AMOTL1: variants seen among roughly 807,000 people sequenced by gnomAD.
AMOTL1 encodes angiomotin like 1, also known as angiomotin-like protein 1.
A neutral mutation model predicts 102.9 loss-of-function variants in AMOTL1; 45 were observed. That is an observed-to-expected ratio of 0.44 (90% CI 0.34 to 0.56). The LOEUF (loss-of-function observed/expected upper bound fraction) is 0.56. Among genes scored for constraint, AMOTL1 ranks in the 20% least tolerant of loss-of-function variants. The pLI is 0.01. For synonymous variants in AMOTL1, 481 were observed against 484.7 expected (o/e 0.99, Z 0.10); for missense variants, 1,114 against 1,225.6 (o/e 0.91, Z 1.36).
chr11:94,723,538 A>C (rs1406912677), intron 1 of AMOTL1, among the ~76,000 whole-genome samples: 2 of 152,132 alleles, frequency 1.3e-5, no homozygotes, highest in African/African-American at 4.8e-5. Context: ...AACATCAATA[A>C]ATTCCCCAGC....
At chr11:94,739,529 T>G (rs931324527) in intron 2 of AMOTL1, among the ~76,000 whole-genome samples, 2 of 152,134 alleles carry the variant, frequency 1.3e-5, no homozygotes, top group South Asian at 4.1e-4. Context: ...CAGAGATGGC[T>G]GAGTGTTTAC....
In AMOTL1 at chr11:94,873,776, T is replaced by TACACACACACACACACACAC. The variant is rs149500556; in HGVS notation, c.*2999_*3018dup. The TACACACACACACACACACAC allele has an allele frequency of 7.0e-6, 1 of 142,476 alleles. No individual in the cohort carries two copies. Among genetic ancestry groups the TACACACACACACACACACAC allele is most frequent in the Admixed American group, 6.9e-5 (1 of 14,402 alleles). 8.8% of individuals were successfully genotyped at this position (142,476 alleles called of 1,614,324 possible). ...TGTGATGTGTGTGTGCACGTGTAAC[T>TACACACACACACACACACAC]ACACACACACACACACACACACACA... On this transcript the variant is annotated 3_prime_UTR_variant, in exon 13 of 13. Transcript: ENST00000433060.
At chr11:94,732,462 T>A (rs1302876894) in intron 2 of AMOTL1, among the ~76,000 whole-genome samples, 1 of 152,152 alleles carries the variant, frequency 6.6e-6, no homozygotes, top group Non-Finnish European at 1.5e-5. Flanking sequence ...CTAAAAATAT[T>A]CCCAGTGATC....
At chr11:94,864,030 A>G (rs568198015) in intron 9 of AMOTL1, among the ~76,000 whole-genome samples, 6 of 152,354 alleles carry the variant, frequency 3.9e-5, no homozygotes, top group Admixed American at 1.3e-4. Context: ...GAAGTGAGAC[A>G]GAATACAACA....
At chr11:94,857,002 A>T (rs192829225) in intron 8 of AMOTL1, among the ~76,000 whole-genome samples, 1 of 152,292 alleles carries the variant, frequency 6.6e-6, no homozygotes, top group Non-Finnish European at 1.5e-5. Context: ...AAGGGCTGGT[A>T]CGCTGAGGAT....
intron 1 of AMOTL1, among the ~76,000 whole-genome samples, chr11:94,782,450 T>G (rs1422454307): frequency 1.3e-5 from 2 of 152,202 alleles, no homozygotes; most frequent in East Asian, 3.8e-4. Flanking sequence ...TTGAAATGTT[T>G]CAATGTATGG....
chr11:94,850,007 A>T, intron 6 of AMOTL1, 107 bp from the exon 7 acceptor site: 1 of 1,271,338 alleles, frequency 7.9e-7, no homozygotes, highest in Non-Finnish European at 1.1e-6. Flanking sequence ...GTCCTCCATT[A>T]TTTGCATGCT....
intron 7 of AMOTL1, 58 bp downstream of exon 7, chr11:94,850,317 T>C: frequency 6.6e-7 from 1 of 1,505,508 alleles, no homozygotes; most frequent in Non-Finnish European, 8.9e-7. Flanking sequence ...CCAGAGGGCT[T>C]CCACTTTCTT....
chr11:94,783,107 A>C (rs1951135142), intron 1 of AMOTL1, among the ~76,000 whole-genome samples: 1 of 152,238 alleles, frequency 6.6e-6, no homozygotes, highest in Non-Finnish European at 1.5e-5. Flanking sequence ...CACTGTTGCT[A>C]CAGTGGCAAA....
exon 2 of AMOTL1, chr11:94,728,958 A>T (rs1309668616): frequency 2.3e-6 from 3 of 1,288,226 alleles, no homozygotes; most frequent in African/African-American, 1.5e-5. Flanking sequence ...TATACATACA[A>T]GGGGCTAGAA....
chr11:94,788,140 T>C (rs1056592330), intron 1 of AMOTL1, among the ~76,000 whole-genome samples: 1 of 152,148 alleles, frequency 6.6e-6, no homozygotes, highest in African/African-American at 2.4e-5. Flanking sequence ...GCTTCTGTAA[T>C]GGAAGGTAGA....
Position 94,871,960 on chromosome 11 carries a change from T to TA in AMOTL1, c.*1165_*1166insA, listed in dbSNP as rs1953006019. 1 of 151,524 alleles carries TA rather than the reference T, an allele frequency of 6.6e-6. No individual in the cohort carries two copies. The highest frequency in any genetic ancestry group is 6.6e-5 in the Admixed American group (1 of 15,216). The allele number at this position is 151,524 out of a possible 1,614,324, so 9.4% of individuals were successfully genotyped here. Reference sequence around the variant, plus strand: ...TCTTGTATTGAGGCTCATGAGCGTATTCACACTCTTTCCTCCCCCGCGCAC... The same window carrying TA: ...TCTTGTATTGAGGCTCATGAGCGTATATCACACTCTTTCCTCCCCCGCGCAC... On this transcript the variant is annotated 3_prime_UTR_variant, in exon 13 of 13. Transcript: ENST00000433060.
At chr11:94,786,254 G>A (rs1565350872) in intron 1 of AMOTL1, among the ~76,000 whole-genome samples, 1 of 152,158 alleles carries the variant, frequency 6.6e-6, no homozygotes, top group South Asian at 2.1e-4. Context: ...TTATGTTAAA[G>A]GCTAAATTTT....
At position 94,876,029 on chromosome 11, in the gene AMOTL1, A is replaced by C. The variant is rs1012187574; in HGVS notation, c.*5234A>C. On this transcript the variant is annotated 3_prime_UTR_variant, in exon 13 of 13. Transcript: ENST00000433060. Reference sequence around the variant, plus strand: ...AAACTTTGCTTCTTCACAGAATTAGAATACTGCTCTCTCTATATTGAACTA... The same window carrying C: ...AAACTTTGCTTCTTCACAGAATTAGCATACTGCTCTCTCTATATTGAACTA... The C allele has an allele frequency of 1.3e-5, 2 of 152,612 alleles. No individual in the cohort carries two copies. Among genetic ancestry groups the C allele is most frequent in the South Asian group, 2.1e-4 (1 of 4,820 alleles). 9.5% of individuals were successfully genotyped at this position (152,612 alleles called of 1,614,324 possible). A position where few individuals can be genotyped will look rare whatever the true frequency, so the allele number is the denominator to read the frequency against.
chr11:94,830,115 A>G lies in AMOTL1; in HGVS notation c.1479A>G (p.Arg493=). 1.2e-6 allele frequency: 2 copies of G among 1,611,028 alleles called. No homozygotes were observed. Among genetic ancestry groups the G allele is most frequent in the South Asian group, 2.2e-5 (2 of 90,164 alleles). Residue 493 remains arginine (R), a synonymous_variant, in exon 5 of 13, where the codon CGA becomes CGG. Transcript: ENST00000433060. ...GTCTGGTCAAGTCTACCACCAAGCG[A>G]GAATCGCTGGACAAGGCCATGAGAA... ...YESLVKSTTK[R]ESLDKAMRNK...
upstream of AMOTL1, chr11:94,768,349 C>T (rs542692371): frequency 2.2e-5 from 30 of 1,371,450 alleles, no homozygotes; most frequent in South Asian, 8.5e-5. Context: ...GCGCGGACGG[C>T]GGCGGGAGCG....
In AMOTL1 at chr11:94,724,540, C is replaced by A. The variant is rs73525868; in HGVS notation, c.-50-4381C>A. On this transcript the variant is annotated intron_variant, in intron 1 of 4. Coordinates refer to the AMOTL1 transcript ENST00000299004. ...CTAAAGGCCCTGAGATCCATTCCAA[C>A]TTCCAGATTTCATTATTTGCAGATC... Among the ~76,000 whole-genome samples, 882 of 152,228 alleles carry A rather than the reference C, an allele frequency of 5.8e-3. 6 individuals carry two copies. The highest frequency in any genetic ancestry group is 0.02 in the African/African-American group (818 of 41,550).
At chr11:94,769,995 G>GT (rs1453464147) in intron 1 of AMOTL1, among the ~76,000 whole-genome samples, 1 of 152,182 alleles carries the variant, frequency 6.6e-6, no homozygotes, top group Non-Finnish European at 1.5e-5. Context: ...AATAGCTACA[G>GT]TTCCAGAAAA....
Position 94,866,397 on chromosome 11 carries a change from C to G in AMOTL1, c.2488+229C>G, listed in dbSNP as rs74496201. 6.3e-3 allele frequency: 3,524 copies of G among 560,234 alleles called. 113 individuals carry two copies. The highest frequency in any genetic ancestry group is 0.06 in the African/African-American group (3,187 of 53,198). 34.7% of individuals were successfully genotyped at this position (560,234 alleles called of 1,614,324 possible). A position where few individuals can be genotyped will look rare whatever the true frequency, so the allele number is the denominator to read the frequency against. ...CTCTTAGCCATGGGTTGACTCAGATCAGAATTATCTATTATTGTTGTAAGT... is the reference window on the plus strand; with the variant it reads ...CTCTTAGCCATGGGTTGACTCAGATGAGAATTATCTATTATTGTTGTAAGT... On this transcript the variant is annotated intron_variant, in intron 11 of 12. Transcript: ENST00000433060.
Sources: gnomAD v4.1 joint callset for allele counts (sites outside exome capture counted in the v4.1 genomes callset) on GRCh38, gnomAD v4.1.1 for gene constraint, MANE v1.5 for transcripts, NCBI Gene and HGNC (gene_info 2026-07-23, HGNC 2026-07-21) for gene names.